Variants in RASAL2 observed in about 807,000 individuals in gnomAD.
The protein encoded by RASAL2 is RAS protein activator like 2.
Under a neutral mutation model 128.9 loss-of-function variants are expected in RASAL2, and 58 were observed. The ratio of observed to expected loss-of-function variants is 0.45; its 90% CI spans 0.36 to 0.56. RASAL2 has a LOEUF of 0.56. Ranked by LOEUF, RASAL2 falls within the 20% of genes least tolerant of loss-of-function variation. RASAL2 has a pLI of 0.00. For missense variants in RASAL2, 1,360 were observed against 1,601.6 expected, an observed-to-expected ratio of 0.85 and a Z score of 2.57; for synonymous variants, 561 against 580.8, an observed-to-expected ratio of 0.97 and a Z score of 0.49.
At chr1:178,363,231 G>C (rs1396696567) in intron 3 of RASAL2, among the ~76,000 whole-genome samples, 1 of 151,958 alleles carries the variant, frequency 6.6e-6, no homozygotes, top group East Asian at 1.9e-4. Context: ...ATATCTTATT[G>C]TGGTTTTGAT....
At chr1:178,409,467 G>T (rs1557966256) in intron 4 of RASAL2, among the ~76,000 whole-genome samples, 1 of 152,174 alleles carries the variant, frequency 6.6e-6, no homozygotes, top group South Asian at 2.1e-4. Flanking sequence ...GTATCAAAAA[G>T]GATGATTCAG....
chr1:178,143,070 G>T lies in RASAL2; in HGVS notation c.202+48376G>T, dbSNP rs569398062. Among the ~76,000 whole-genome samples, 8 of 151,946 alleles carry T rather than the reference G, an allele frequency of 5.3e-5. No homozygotes were observed. In the East Asian group the frequency reaches 1.5e-3, roughly 29 times the overall value. On this transcript the variant is annotated intron_variant, in intron 1 of 17. Transcript: ENST00000367649. ...TTTTGAAAAGGCCTGACTGGAGACCGCATTTCAACATGAGATTTGGAAGGA... is the reference window on the plus strand; with the variant it reads ...TTTTGAAAAGGCCTGACTGGAGACCTCATTTCAACATGAGATTTGGAAGGA...
At chr1:178,424,599 C>T (rs928449423) in intron 5 of RASAL2, among the ~76,000 whole-genome samples, 4 of 152,114 alleles carry the variant, frequency 2.6e-5, no homozygotes, top group Admixed American at 1.3e-4. Flanking sequence ...GTAGCTGGGA[C>T]TACAGCCACA....
intron 1 of RASAL2, among the ~76,000 whole-genome samples, chr1:178,190,490 T>A (rs1346161199): frequency 6.6e-6 from 1 of 152,194 alleles, no homozygotes; most frequent in Non-Finnish European, 1.5e-5. Flanking sequence ...CTATCAAATC[T>A]TTTGATGCTT....
intron 4 of RASAL2, among the ~76,000 whole-genome samples, chr1:178,407,062 A>G (rs1168048161): frequency 1.3e-5 from 2 of 152,144 alleles, no homozygotes; most frequent in Non-Finnish European, 2.9e-5. Flanking sequence ...GTGCTAGAAG[A>G]ACAATTGTGA....
intron 9 of RASAL2, 87 bp from the exon 10 acceptor site, chr1:178,451,484 C>G: frequency 1.5e-6 from 2 of 1,345,494 alleles, no homozygotes; most frequent in Non-Finnish European, 2.0e-6. Context: ...CCCCATTATA[C>G]GTTTTAGGAC....
chr1:178,369,604 C>T (rs906615729), intron 3 of RASAL2, among the ~76,000 whole-genome samples: 2 of 152,138 alleles, frequency 1.3e-5, no homozygotes, highest in African/African-American at 2.4e-5. Context: ...TCTAACTATA[C>T]AGTGTTTTCT....
chr1:178,274,578 T>A (rs1378967586), intron 1 of RASAL2, among the ~76,000 whole-genome samples: 1 of 152,278 alleles, frequency 6.6e-6, no homozygotes, highest in African/African-American at 2.4e-5. Flanking sequence ...CTAGTTTTTC[T>A]TATGCTTTTC....
intron 1 of RASAL2, among the ~76,000 whole-genome samples, chr1:178,227,838 A>G (rs1179065823): frequency 6.6e-6 from 1 of 152,252 alleles, no homozygotes; most frequent in Non-Finnish European, 1.5e-5. Context: ...TGACATTTCA[A>G]TGAGCAGCCA....
chr1:178,434,449 C>G (rs1275758117), intron 5 of RASAL2, among the ~76,000 whole-genome samples: 1 of 152,084 alleles, frequency 6.6e-6, no homozygotes. Flanking sequence ...TTTTGAGTGA[C>G]AACTCAGGCT....
chr1:178,339,889 G>A (rs376934055), intron 3 of RASAL2, among the ~76,000 whole-genome samples: 2 of 152,204 alleles, frequency 1.3e-5, no homozygotes, highest in East Asian at 3.9e-4. Flanking sequence ...AAAAATTCAA[G>A]CAGTGAATGA....
At chr1:178,415,078 C>G (rs1156234158) in intron 4 of RASAL2, among the ~76,000 whole-genome samples, 1 of 151,970 alleles carries the variant, frequency 6.6e-6, no homozygotes, top group African/African-American at 2.4e-5. Flanking sequence ...TTAATCGATT[C>G]TGCACTAATT....
intron 1 of RASAL2, among the ~76,000 whole-genome samples, chr1:178,245,742 G>A (rs756715768): frequency 1.3e-5 from 2 of 152,164 alleles, no homozygotes; most frequent in Non-Finnish European, 2.9e-5. Flanking sequence ...GTTAATTTTT[G>A]TGTGAGGTGC....
chr1:178,447,862 G>C (rs534652227), intron 9 of RASAL2, among the ~76,000 whole-genome samples: 1 of 151,818 alleles, frequency 6.6e-6, no homozygotes, highest in South Asian at 2.1e-4. Context: ...ACAGAGAATT[G>C]TGGGGTGTTG....
intron 3 of RASAL2, among the ~76,000 whole-genome samples, chr1:178,334,143 G>A (rs1387140822): frequency 2.6e-5 from 4 of 151,860 alleles, no homozygotes; most frequent in African/African-American, 7.3e-5. Context: ...ATTTCTTATC[G>A]TGTTGAATTT....
rs533713827 is a variant in RASAL2 at position 178,269,127 on chromosome 1, G to A, written c.203-14437G>A. ...GGTGGGACCTTAATTTAATAGGGCC[G>A]TTGCCCTTATAAAGAAGGGGAGAGG... On this transcript the variant is annotated intron_variant, in intron 1 of 17. Transcript: ENST00000367649. 6.6e-5 allele frequency among the ~76,000 whole-genome samples: 10 copies of A among 152,228 alleles called. No homozygotes were observed. In the South Asian group the frequency reaches 8.3e-4, roughly 13 times the overall value.
rs1416029625 is a variant in RASAL2 at position 178,381,404 on chromosome 1, T to TA, written c.458-8695dup. ...GAAGCCAACAGCCATTTCGAAGAGA[T>TA]ACTTAGCAGTGTGTGTTGGCTAAAG... On this transcript the variant is annotated intron_variant, in intron 3 of 17. Coordinates refer to ENST00000367649, the MANE Select transcript of RASAL2 (RefSeq NM_170692.4). Among the ~76,000 whole-genome samples the TA allele has an allele frequency of 2.0e-5, 3 of 152,188 alleles. No individual in the cohort carries two copies. The East Asian group carries it at 5.8e-4, about 29-fold the overall frequency.
chr1:178,241,531 T>A (rs904524660), intron 1 of RASAL2, among the ~76,000 whole-genome samples: 4 of 152,200 alleles, frequency 2.6e-5, no homozygotes, highest in Non-Finnish European at 5.9e-5. Flanking sequence ...AGTCTGAGAA[T>A]CAAACTTGAA....
intron 16 of RASAL2, among the ~76,000 whole-genome samples, chr1:178,466,833 T>TTTTAATA (rs1647754497): frequency 6.6e-6 from 1 of 152,134 alleles, no homozygotes; most frequent in Non-Finnish European, 1.5e-5. Flanking sequence ...TTTAATAGTG[T>TTTTAATA]GGAGGTAATT....
Sources: allele counts gnomAD v4.1 joint callset (sites outside exome capture counted in the v4.1 genomes callset), GRCh38; gene constraint gnomAD v4.1.1; transcripts MANE v1.5; gene names NCBI Gene and HGNC (gene_info 2026-07-23, HGNC 2026-07-21).